SETX: variants seen among roughly 807,000 people sequenced by gnomAD.
SETX encodes the protein senataxin.
A neutral mutation model predicts 227.2 loss-of-function variants in SETX; 90 were observed. The observed-to-expected ratio is 0.40, with a 90% confidence interval of 0.33 to 0.47. The LOEUF (loss-of-function observed/expected upper bound fraction) is 0.47, where lower values mean the gene tolerates loss of function less well. SETX is among the 20% of genes least tolerant of loss of function. The pLI is 0.91. For missense variants in SETX, 3,052 were observed against 3,181.5 expected (o/e 0.96, Z 0.98); for synonymous variants, 1,210 against 1,113.2 (o/e 1.09, Z -1.73).
chr9:132,350,968 TCAATTA>T (rs1848573326), intron 2 of SETX, among the ~76,000 whole-genome samples: 1 of 152,144 alleles, frequency 6.6e-6, no homozygotes, highest in Admixed American at 6.5e-5. Flanking sequence ...AAACTCTAAC[TCAATTA>T]CATTTTATTA....
At chr9:132,343,343 G>A (rs531250809) in intron 4 of SETX, among the ~76,000 whole-genome samples, 12 of 152,116 alleles carry the variant, frequency 7.9e-5, no homozygotes, top group Admixed American at 1.3e-4. Flanking sequence ...AAAAAAGAAT[G>A]TAGCTCTTTA....
intron 22 of SETX, 94 bp downstream of exon 22, chr9:132,276,966 G>A: frequency 9.5e-7 from 1 of 1,057,394 alleles, no homozygotes; most frequent in Non-Finnish European, 1.5e-6. Context: ...TAGGCAGAGA[G>A]ATGTGTATAG....
chr9:132,319,247 T>C (rs953756586), intron 10 of SETX, among the ~76,000 whole-genome samples: 2 of 152,174 alleles, frequency 1.3e-5, no homozygotes, highest in African/African-American at 4.8e-5. Context: ...CACCATCACC[T>C]TTCTCCTGGG....
intron 11 of SETX, among the ~76,000 whole-genome samples, chr9:132,308,315 T>A (rs1201514893): frequency 6.6e-6 from 1 of 152,144 alleles, no homozygotes; most frequent in African/African-American, 2.4e-5. Context: ...GTTCCAGGTA[T>A]CAATATACAG....
chr9:132,278,234 G>T lies in SETX; in HGVS notation c.6678C>A (p.Asp2226Glu), dbSNP rs752107891. The T allele has an allele frequency of 7.4e-6, 12 of 1,613,958 alleles. No homozygotes were observed. The Admixed American group carries it at 1.2e-4, about 16-fold the overall frequency. Residue 2226 changes from aspartate (D) to glutamate (E), a missense_variant, in exon 21 of 26, where the codon GAC becomes GAA. Around this residue, in one of 10 missense-constraint regions of SETX, gnomAD observed 412 missense variants for 589.0 expected, o/e 0.70. Transcript: ENST00000224140. ...ISMKAQEYGY[D>E]QSMMARFCRL... is the part of the protein sequence containing the mutation. Reference sequence around the variant, plus strand: ...TGCAGAAGCGAGCCATCATTGACTGGTCGTAGCCATACTCCTGTGCTTTCT... The same window carrying T: ...TGCAGAAGCGAGCCATCATTGACTGTTCGTAGCCATACTCCTGTGCTTTCT...
At chr9:132,309,229 T>G (rs1845505639) in intron 11 of SETX, among the ~76,000 whole-genome samples, 1 of 152,124 alleles carries the variant, frequency 6.6e-6, no homozygotes, top group African/African-American at 2.4e-5. Flanking sequence ...GTAAACAATG[T>G]GATATGAGCC....
chr9:132,332,535 T>C (rs761704520), intron 7 of SETX, among the ~76,000 whole-genome samples: 9 of 152,230 alleles, frequency 5.9e-5, no homozygotes, highest in Non-Finnish European at 1.2e-4. Flanking sequence ...CTCCACTGCA[T>C]CTGAAACAGT....
chr9:132,302,969 A>C (rs571093619), intron 11 of SETX, among the ~76,000 whole-genome samples: 1 of 152,036 alleles, frequency 6.6e-6, no homozygotes, highest in East Asian at 1.9e-4. Flanking sequence ...GAAAGGCTAC[A>C]TTTTTTTTAA....
At chr9:132,309,037 T>G (rs906637855) in intron 11 of SETX, among the ~76,000 whole-genome samples, 1 of 151,736 alleles carries the variant, frequency 6.6e-6, no homozygotes, top group Admixed American at 6.6e-5. Flanking sequence ...ACTCGGGAGG[T>G]TGAGGCAGGA....
intron 10 of SETX, among the ~76,000 whole-genome samples, chr9:132,321,492 TA>T (rs1317016738): frequency 5.3e-5 from 8 of 151,598 alleles, no homozygotes; most frequent in African/African-American, 1.9e-4. Flanking sequence ...CCGTCTCTAC[TA>T]AAAAATACAA....
At chr9:132,322,313 C>A (rs556442084) in intron 10 of SETX, among the ~76,000 whole-genome samples, 10 of 152,200 alleles carry the variant, frequency 6.6e-5, no homozygotes, top group East Asian at 1.9e-4. Context: ...TGCTGTGCAA[C>A]CATCACCACT....
intron 10 of SETX, among the ~76,000 whole-genome samples, chr9:132,325,217 G>A (rs765259317): frequency 1.2e-4 from 19 of 152,238 alleles, no homozygotes; most frequent in South Asian, 2.1e-4. Context: ...TTAGCCGGCC[G>A]TGGTGGCGAG....
At chr9:132,301,888 C>T (rs1486404784) in intron 11 of SETX, among the ~76,000 whole-genome samples, 1 of 152,178 alleles carries the variant, frequency 6.6e-6, no homozygotes, top group South Asian at 2.1e-4. Context: ...AAGTTCAGTA[C>T]CAACTGCCGA....
intron 17 of SETX, among the ~76,000 whole-genome samples, 157 bp from the exon 18 acceptor site, chr9:132,286,651 T>A (rs376823076): frequency 3.3e-5 from 5 of 152,208 alleles, no homozygotes; most frequent in Non-Finnish European, 5.9e-5. Flanking sequence ...CCTGACACAC[T>A]CTGTATGCTG....
intron 10 of SETX, among the ~76,000 whole-genome samples, chr9:132,323,363 G>C (rs1489122650): frequency 6.6e-6 from 1 of 152,126 alleles, no homozygotes; most frequent in South Asian, 2.1e-4. Flanking sequence ...GGAAAACACA[G>C]AGTTTGGAAG....
At chr9:132,314,870 T>TA (rs907037197) in intron 10 of SETX, among the ~76,000 whole-genome samples, 16 of 148,878 alleles carry the variant, frequency 1.1e-4, no homozygotes, top group African/African-American at 3.2e-4. Context: ...AAATTCTCTT[T>TA]AAAAAAAATT....
intron 7 of SETX, among the ~76,000 whole-genome samples, chr9:132,332,219 C>T (rs1051726965): frequency 1.3e-4 from 20 of 152,250 alleles, no homozygotes; most frequent in Non-Finnish European, 2.1e-4. Context: ...TTTTCATATT[C>T]CTATAATCAT....
At chr9:132,319,924 C>T (rs994259963) in intron 10 of SETX, among the ~76,000 whole-genome samples, 1 of 152,110 alleles carries the variant, frequency 6.6e-6, no homozygotes, top group African/African-American at 2.4e-5. Flanking sequence ...ACAATGACCT[C>T]TACACAGGAG....
At position 132,280,988 on chromosome 9, in the gene SETX, T is replaced by G. The variant is rs192732917; in HGVS notation, c.6654+479A>C. Among the ~76,000 whole-genome samples the G allele has an allele frequency of 2.7e-3, 418 of 152,306 alleles. 4 individuals are homozygous for G. Among genetic ancestry groups the G allele is most frequent in the African/African-American group, 9.7e-3 (405 of 41,550 alleles). On this transcript the variant is annotated intron_variant, in intron 20 of 25. Coordinates refer to ENST00000224140, the MANE Select transcript of SETX (RefSeq NM_015046.7). ...CTTGTATTAACACTAGAATACCAAA[T>G]TCTAAAAATGGAAATGTACTCCAAA...
Sources: allele counts gnomAD v4.1 joint callset (sites outside exome capture counted in the v4.1 genomes callset), GRCh38; gene constraint gnomAD v4.1.1; regional missense constraint gnomAD v4.1.1; transcripts MANE v1.5; gene names NCBI Gene and HGNC (gene_info 2026-07-23, HGNC 2026-07-21).